Variants in PPP2R5C observed in about 807,000 individuals in gnomAD.
PPP2R5C encodes serine/threonine-protein phosphatase 2A 56 kDa regulatory subunit gamma isoform.
Under a neutral mutation model 68.9 loss-of-function variants are expected in PPP2R5C, and 7 were observed. The ratio of observed to expected loss-of-function variants is 0.10; its 90% CI spans 0.06 to 0.19. The LOEUF is 0.19. PPP2R5C is among the 10% of genes least tolerant of loss of function. The pLI, the probability that PPP2R5C is intolerant of heterozygous loss-of-function variation, is 1.00. For synonymous variants in PPP2R5C, 210 were observed against 222.2 expected (o/e 0.95, Z 0.49); for missense variants, 348 against 641.3 (o/e 0.54, Z 4.94).
chr14:101,851,956 T>C (rs2042179126), intron 1 of PPP2R5C, among the ~76,000 whole-genome samples: 2 of 152,322 alleles, frequency 1.3e-5, no homozygotes, highest in South Asian at 2.1e-4. Flanking sequence ...CCTTCTGTAA[T>C]TGAGGTACAT....
chr14:101,865,357 C>G (rs1754540301), intron 2 of PPP2R5C, among the ~76,000 whole-genome samples: 1 of 152,220 alleles, frequency 6.6e-6, no homozygotes, highest in African/African-American at 2.4e-5. Flanking sequence ...GGGCATCCCT[C>G]TATGATGACA....
At chr14:101,832,826 G>T (rs527702496) in intron 1 of PPP2R5C, among the ~76,000 whole-genome samples, 1 of 152,136 alleles carries the variant, frequency 6.6e-6, no homozygotes, top group Non-Finnish European at 1.5e-5. Flanking sequence ...GCGCTTTACC[G>T]TGTAATTTCT....
At chr14:101,833,259 A>G (rs1037462308) in intron 1 of PPP2R5C, among the ~76,000 whole-genome samples, 5 of 152,238 alleles carry the variant, frequency 3.3e-5, no homozygotes, top group African/African-American at 1.2e-4. Flanking sequence ...GCCAGAGGTC[A>G]CTGGTGCTGC....
chr14:101,838,037 G>A (rs1391920696), intron 1 of PPP2R5C, among the ~76,000 whole-genome samples: 1 of 152,210 alleles, frequency 6.6e-6, no homozygotes, highest in Non-Finnish European at 1.5e-5. Flanking sequence ...GAGTTAATGT[G>A]TAAAGATTGT....
At chr14:101,791,918 G>T (rs901590981) in intron 3 of PPP2R5C, among the ~76,000 whole-genome samples, 3 of 152,202 alleles carry the variant, frequency 2.0e-5, no homozygotes, top group Admixed American at 6.5e-5. Context: ...ATTGGTCATT[G>T]TATTCAGATA....
chr14:101,841,370 A>G (rs2041459462), intron 1 of PPP2R5C, among the ~76,000 whole-genome samples: 1 of 152,246 alleles, frequency 6.6e-6, no homozygotes, highest in Non-Finnish European at 1.5e-5. Flanking sequence ...TTTAGCTATA[A>G]AACTTGGACC....
At chr14:101,881,850 T>G (rs1222425918) in intron 2 of PPP2R5C, among the ~76,000 whole-genome samples, 1 of 152,252 alleles carries the variant, frequency 6.6e-6, no homozygotes, top group African/African-American at 2.4e-5. Flanking sequence ...CTGGATAGTA[T>G]AAGACCTCAG....
intron 3 of PPP2R5C, among the ~76,000 whole-genome samples, chr14:101,801,689 A>T (rs553681396): frequency 9.9e-5 from 15 of 152,258 alleles, no homozygotes; most frequent in Non-Finnish European, 2.2e-4. Flanking sequence ...AAATGGAAGA[A>T]TACACCAATC....
chr14:101,848,477 G>A (rs907072048), intron 1 of PPP2R5C, among the ~76,000 whole-genome samples: 2 of 151,918 alleles, frequency 1.3e-5, no homozygotes, highest in African/African-American at 2.4e-5. Flanking sequence ...GTTGCAGTAA[G>A]CCGAGAGCCA....
At chr14:101,780,489 G>T (rs915836584) in intron 2 of PPP2R5C, among the ~76,000 whole-genome samples, 2 of 152,320 alleles carry the variant, frequency 1.3e-5, no homozygotes, top group African/African-American at 2.4e-5. Context: ...GGGGGGAGGG[G>T]CTGCTTGCAT....
At chr14:101,842,804 A>G (rs1446334899) in intron 1 of PPP2R5C, among the ~76,000 whole-genome samples, 1 of 132,240 alleles carries the variant, frequency 7.6e-6, no homozygotes, top group African/African-American at 2.8e-5. Flanking sequence ...TTTATTTCGC[A>G]TGTATTTTTT....
intron 2 of PPP2R5C, among the ~76,000 whole-genome samples, chr14:101,875,133 A>G (rs968231723): frequency 3.9e-5 from 6 of 152,222 alleles, no homozygotes; most frequent in African/African-American, 1.2e-4. Context: ...AGAATTTTCA[A>G]TGTTGTGGTT....
In PPP2R5C at chr14:101,851,820, T is replaced by C. The variant is rs115505834; in HGVS notation, c.95-4866T>C. On this transcript the variant is annotated intron_variant, in intron 1 of 13. Transcript: ENST00000334743. Reference sequence around the variant, plus strand: ...TAAATGTGGGCTTGGCTTCTTTTTTTCAATCAGTTTCCTATCCACAGTTTA... The same window carrying C: ...TAAATGTGGGCTTGGCTTCTTTTTTCCAATCAGTTTCCTATCCACAGTTTA... 4.1e-3 allele frequency among the ~76,000 whole-genome samples: 632 copies of C among 152,298 alleles called. 3 individuals are homozygous for C. The highest frequency in any genetic ancestry group is 0.014 in the African/African-American group (599 of 41,560).
intron 5 of PPP2R5C, among the ~76,000 whole-genome samples, chr14:101,884,066 A>G (rs2044326614): frequency 6.6e-6 from 1 of 152,218 alleles, no homozygotes; most frequent in Admixed American, 6.5e-5. Context: ...TGCAGCCTTC[A>G]GTCTGTGGCG....
At chr14:101,844,217 G>C (rs2041680368) in intron 1 of PPP2R5C, 1 of 150,156 alleles carries the variant, frequency 6.7e-6, no homozygotes. Flanking sequence ...ACCAATACCA[G>C]GTAACTAATT....
intron 2 of PPP2R5C, among the ~76,000 whole-genome samples, chr14:101,873,703 G>T (rs1350861559): frequency 6.6e-6 from 1 of 152,166 alleles, no homozygotes; most frequent in Admixed American, 6.5e-5. Context: ...ATAAATCACT[G>T]TAGTTCTTCT....
intron 3 of PPP2R5C, among the ~76,000 whole-genome samples, chr14:101,798,719 G>T (rs908893004): frequency 6.6e-6 from 1 of 152,254 alleles, no homozygotes; most frequent in Admixed American, 6.5e-5. Context: ...TGGAAGGTAT[G>T]CTAGGTGGGC....
chr14:101,769,555 A>T (rs1404276131), intron 2 of PPP2R5C, among the ~76,000 whole-genome samples: 1 of 152,238 alleles, frequency 6.6e-6, no homozygotes, highest in Non-Finnish European at 1.5e-5. Flanking sequence ...CCAATAAGGG[A>T]ACTCTAATGT....
chr14:101,897,205 G>A (rs569478541), intron 8 of PPP2R5C, among the ~76,000 whole-genome samples: 46 of 152,278 alleles, frequency 3.0e-4, no homozygotes, highest in Admixed American at 2.6e-4. Context: ...GCATAGTCAA[G>A]GCTTAGGGTG....
Sources: gnomAD v4.1 joint callset for allele counts (sites outside exome capture counted in the v4.1 genomes callset) on GRCh38, gnomAD v4.1.1 for gene constraint, MANE v1.5 for transcripts, NCBI Gene and HGNC (gene_info 2026-07-23, HGNC 2026-07-21) for gene names.